Variants in WDR12 observed in about 807,000 individuals in gnomAD.
The protein encoded by WDR12 is WD repeat domain 12.
WDR12 carries 42 observed loss-of-function variants against 64.3 expected under a neutral mutation model. That is an observed-to-expected ratio of 0.65 (90% CI 0.51 to 0.84). The LOEUF is 0.84. Among genes scored for constraint, WDR12 ranks in the 40% least tolerant of loss-of-function variants. The pLI, the probability that WDR12 is intolerant of heterozygous loss-of-function variation, is 0.00. For missense variants in WDR12, 469 were observed against 494.6 expected, an observed-to-expected ratio of 0.95 and a Z score of 0.49; for synonymous variants, 158 against 173.3, an observed-to-expected ratio of 0.91 and a Z score of 0.70.
chr2:202,911,580 A>G lies in WDR12; in HGVS notation c.-104T>C, dbSNP rs1688657274. 4 of 1,058,164 alleles carry G rather than the reference A, an allele frequency of 3.8e-6. No homozygotes were observed. The South Asian group carries it at 5.1e-5, about 13-fold the overall frequency. 65.5% of individuals were successfully genotyped at this position (1,058,164 alleles called of 1,614,324 possible). On this transcript the variant is annotated 5_prime_UTR_variant, in exon 1 of 13. Transcript: ENST00000261015. The stretch of plus-strand genomic sequence containing the variant: ...CTACAAAGAGGCAGCTCAAAATTAG[A>G]CTGCACAGGTAAGCGAGGAACTGCA...
At chr2:202,885,941 T>C (rs1235733402) in intron 8 of WDR12, among the ~76,000 whole-genome samples, 2 of 151,940 alleles carry the variant, frequency 1.3e-5, no homozygotes, top group Non-Finnish European at 2.9e-5. Flanking sequence ...ACTATAGTCA[T>C]ATCTATTTGG....
intron 8 of WDR12, among the ~76,000 whole-genome samples, chr2:202,884,959 C>G (rs181985625): frequency 2.8e-4 from 42 of 152,306 alleles, no homozygotes; most frequent in African/African-American, 8.7e-4. Context: ...TTTCTCCCCC[C>G]CTCTTTTCTT....
intron 2 of WDR12, among the ~76,000 whole-genome samples, chr2:202,907,462 T>A (rs1024018541): frequency 1.3e-5 from 2 of 152,192 alleles, no homozygotes; most frequent in Non-Finnish European, 2.9e-5. Flanking sequence ...CACTAAACAC[T>A]CAAATACTGA....
chr2:202,895,689 ATTTT>A (rs56005993), intron 6 of WDR12, among the ~76,000 whole-genome samples: 4 of 119,240 alleles, frequency 3.4e-5, no homozygotes, highest in Non-Finnish European at 3.4e-5. Flanking sequence ...TGCCCGGCTT[ATTTT>A]TTTTTTTTTT....
chr2:202,910,114 A>AT (rs1349607842), intron 1 of WDR12, among the ~76,000 whole-genome samples: 6 of 152,218 alleles, frequency 3.9e-5, no homozygotes, highest in South Asian at 2.1e-4. Flanking sequence ...TAATTTCTAC[A>AT]TTTTTTTACC....
intron 2 of WDR12, among the ~76,000 whole-genome samples, chr2:202,905,270 T>C (rs995579352): frequency 3.9e-5 from 6 of 152,214 alleles, no homozygotes; most frequent in Admixed American, 2.0e-4. Flanking sequence ...TTCAGCCTCC[T>C]GAGTAGCTGG....
At chr2:202,899,487 AAAAAC>A in intron 4 of WDR12, 39 bp downstream of exon 4, 2 of 1,561,152 alleles carry the variant, frequency 1.3e-6, no homozygotes, top group South Asian at 2.3e-5. Context: ...TGAAGGAGGT[AAAAAC>A]AAAACAAAAA....
At chr2:202,885,855 T>C (rs1688036973) in intron 8 of WDR12, among the ~76,000 whole-genome samples, 1 of 151,666 alleles carries the variant, frequency 6.6e-6, no homozygotes, top group African/African-American at 2.4e-5. Context: ...AGCCCAGGGG[T>C]TTGAGAACAG....
intron 5 of WDR12, among the ~76,000 whole-genome samples, chr2:202,896,551 T>G (rs939033287): frequency 1.3e-5 from 2 of 151,412 alleles, no homozygotes; most frequent in Admixed American, 6.6e-5. Flanking sequence ...ATTAGCCGGG[T>G]GTGGTGGCAG....
At chr2:202,895,719 A>AGGCT (rs1688228266) in intron 6 of WDR12, among the ~76,000 whole-genome samples, 1 of 140,598 alleles carries the variant, frequency 7.1e-6, no homozygotes. Context: ...TAGTAGAGAC[A>AGGCT]GGGTTTCTCC....
At chr2:202,904,708 G>A (rs1020553115) in intron 2 of WDR12, among the ~76,000 whole-genome samples, 4 of 152,098 alleles carry the variant, frequency 2.6e-5, no homozygotes, top group East Asian at 1.9e-4. Flanking sequence ...GTAAGACCTC[G>A]AACTATGAAA....
chr2:202,884,117 T>G, intron 10 of WDR12, 81 bp downstream of exon 10: 1 of 1,451,746 alleles, frequency 6.9e-7, no homozygotes, highest in South Asian at 1.2e-5. Context: ...GGCCAGAAAT[T>G]CCTTTTTTTG....
chr2:202,909,143 C>T (rs1405999823), intron 1 of WDR12, among the ~76,000 whole-genome samples: 1 of 152,158 alleles, frequency 6.6e-6, no homozygotes, highest in Non-Finnish European at 1.5e-5. Context: ...TCCTCAAAAA[C>T]TCAAACATGG....
intron 11 of WDR12, chr2:202,883,004 G>A (rs1286846846): frequency 6.6e-6 from 3 of 457,724 alleles, no homozygotes; most frequent in Non-Finnish European, 1.2e-5. Context: ...AGAAAAAAAT[G>A]TTATTTCATT....
chr2:202,895,406 G>A (rs991118928), intron 6 of WDR12, among the ~76,000 whole-genome samples: 5 of 151,712 alleles, frequency 3.3e-5, no homozygotes, highest in Admixed American at 1.3e-4. Context: ...TCAACTAGGC[G>A]TTTTCAGTTG....
chr2:202,889,076 A>G (rs1297826900), intron 8 of WDR12, among the ~76,000 whole-genome samples: 1 of 152,160 alleles, frequency 6.6e-6, no homozygotes, highest in East Asian at 1.9e-4. Flanking sequence ...CATGACTTAA[A>G]CTAATAATTT....
rs1337494401 is a variant in WDR12 at position 202,878,614 on chromosome 2, A to C, written c.*2246T>G. The C allele has an allele frequency of 6.6e-6, 1 of 152,240 alleles. No homozygotes were observed. The highest frequency in any genetic ancestry group is 6.5e-5 in the Admixed American group (1 of 15,276). The allele number at this position is 152,240 out of a possible 1,614,324, so 9.4% of individuals were successfully genotyped here. On this transcript the variant is annotated 3_prime_UTR_variant, in exon 13 of 13. Transcript: ENST00000261015. Reference sequence around the variant, plus strand: ...TCCTAAAGAATGTGGAACAAAACCTACATCAGCCCTGGACTGCCTCTGGTT... The same window carrying C: ...TCCTAAAGAATGTGGAACAAAACCTCCATCAGCCCTGGACTGCCTCTGGTT...
Position 202,901,054 on chromosome 2 carries a change from T to G in WDR12, c.202A>C (p.Lys68Gln), listed in dbSNP as rs575385202. ...KGQFLRMPLD[K>Q]HMEMENISSE... is the part of the protein sequence containing the mutation. The stretch of plus-strand genomic sequence containing the variant: ...GAGATGTTCTCCATTTCCATGTGTT[T>G]GTCCAAGGGCATTCGCAGAAACTGG... The change falls in exon 3 of 13, where the codon AAA (lysine) becomes CAA (glutamine). Residue 68 changes from lysine (K) to glutamine (Q), a missense_variant. By Grantham distance (53) the Lys-to-Gln change is moderately conservative. Coordinates refer to ENST00000261015, the MANE Select transcript of WDR12 (RefSeq NM_018256.4). 1.3e-6 allele frequency: 2 copies of G among 1,594,094 alleles called. No individual in the cohort carries two copies. The highest frequency in any genetic ancestry group is 2.7e-5 in the African/African-American group (2 of 74,912).
At chr2:202,882,503 T>G (rs186491396) in intron 12 of WDR12, among the ~76,000 whole-genome samples, 20 of 152,194 alleles carry the variant, frequency 1.3e-4, no homozygotes, top group African/African-American at 3.9e-4. Flanking sequence ...TAATTTTTTG[T>G]GTTTTTAGTA....
Sources: allele counts gnomAD v4.1 joint callset (sites outside exome capture counted in the v4.1 genomes callset), GRCh38; gene constraint gnomAD v4.1.1; transcripts MANE v1.5; gene names NCBI Gene and HGNC (gene_info 2026-07-23, HGNC 2026-07-21).